Variants in RBPJ observed in about 807,000 individuals in gnomAD.
The protein encoded by RBPJ is recombination signal binding protein for immunoglobulin kappa J region, also known as recombining binding protein suppressor of hairless.
A neutral mutation model predicts 67.8 loss-of-function variants in RBPJ; 9 were observed. The ratio of observed to expected loss-of-function variants is 0.13; its 90% CI spans 0.08 to 0.23. RBPJ has a LOEUF of 0.23. Among genes scored for constraint, RBPJ ranks in the 10% least tolerant of loss-of-function variants. The probability of loss-of-function intolerance (pLI) is 1.00; values close to 1 mark genes in which losing one functional copy is unlikely to be tolerated. For missense variants in RBPJ, 305 were observed against 595.6 expected (o/e 0.51, Z 5.08); for synonymous variants, 198 against 203.3 (o/e 0.97, Z 0.22).
intron 1 of RBPJ, among the ~76,000 whole-genome samples, chr4:26,208,325 G>A (rs572804425): frequency 6.6e-5 from 10 of 152,244 alleles, no homozygotes; most frequent in East Asian, 3.9e-4. Flanking sequence ...GGATTCAAAC[G>A]CAGATCATGC....
At chr4:26,388,178 G>A (rs1327063123) in intron 2 of RBPJ, among the ~76,000 whole-genome samples, 1 of 150,716 alleles carries the variant, frequency 6.6e-6, no homozygotes, top group Non-Finnish European at 1.5e-5. Context: ...TTGTTTTTTT[G>A]TAGAGACAGG....
chr4:26,265,508 C>T (rs1456725344), intron 1 of RBPJ, among the ~76,000 whole-genome samples: 1 of 149,156 alleles, frequency 6.7e-6, no homozygotes, highest in East Asian at 2.0e-4. Flanking sequence ...TAGAGTGAGA[C>T]AGTCTCAAAA....
intron 1 of RBPJ, among the ~76,000 whole-genome samples, chr4:26,252,632 A>C (rs1720152314): frequency 6.6e-6 from 1 of 152,192 alleles, no homozygotes; most frequent in Non-Finnish European, 1.5e-5. Context: ...AAACTGACTT[A>C]AATCAATAAT....
intron 1 of RBPJ, among the ~76,000 whole-genome samples, chr4:26,228,235 G>A (rs1719147128): frequency 6.6e-6 from 1 of 152,214 alleles, no homozygotes; most frequent in South Asian, 2.1e-4. Context: ...AGCAGACCTG[G>A]TTTGGCTACT....
intron 1 of RBPJ, among the ~76,000 whole-genome samples, chr4:26,359,077 G>A (rs563976771): frequency 9.9e-5 from 15 of 152,284 alleles, no homozygotes; most frequent in African/African-American, 3.4e-4. Context: ...TAACACCTTT[G>A]TCAAGGTGCT....
intron 1 of RBPJ, among the ~76,000 whole-genome samples, chr4:26,179,648 C>A (rs1716912215): frequency 6.6e-6 from 1 of 152,026 alleles, no homozygotes; most frequent in African/African-American, 2.4e-5. Flanking sequence ...ATGGCTATTA[C>A]TAAAAAGTCA....
At chr4:26,354,506 G>A (rs1727156469) in intron 1 of RBPJ, among the ~76,000 whole-genome samples, 2 of 147,736 alleles carry the variant, frequency 1.4e-5, no homozygotes, top group South Asian at 4.3e-4. Context: ...AGGCAGTGCA[G>A]TGGTATGATC....
chr4:26,340,884 A>G (rs6843753), intron 1 of RBPJ, among the ~76,000 whole-genome samples: 2,508 of 151,718 alleles, frequency 0.017, 77 homozygotes, highest in African/African-American at 0.057. Flanking sequence ...AAAAAAAAAA[A>G]GAAAGAAAGG....
the RBPJ span, among the ~76,000 whole-genome samples, chr4:26,129,742 G>C: frequency 3.3e-5 from 5 of 152,116 alleles, no homozygotes; most frequent in Admixed American, 3.3e-4. Flanking sequence ...GTTCATTCCT[G>C]GGTGTTCCCT....
chr4:26,137,780 C>G, the RBPJ span, among the ~76,000 whole-genome samples: 1 of 152,320 alleles, frequency 6.6e-6, no homozygotes, highest in East Asian at 1.9e-4. Context: ...TGAACTGCCT[C>G]CCTCCATCTG....
At position 26,217,955 on chromosome 4, in the gene RBPJ, G is replaced by A. The variant is rs183504162; in HGVS notation, c.-167+54341G>A. Among the ~76,000 whole-genome samples the A allele has an allele frequency of 3.8e-3, 583 of 152,272 alleles. 5 individuals carry two copies. The highest frequency in any genetic ancestry group is 0.014 in the African/African-American group (564 of 41,558). On this transcript the variant is annotated intron_variant, in intron 1 of 4. Coordinates refer to the RBPJ transcript ENST00000512351. ...GTGGATAAGAAGCTCTGCGCTCAAA[G>A]GTTTTGGAAAGAGAGAGGAAAAACA...
At chr4:26,219,916 C>G (rs1015066873) in intron 1 of RBPJ, among the ~76,000 whole-genome samples, 4 of 151,474 alleles carry the variant, frequency 2.6e-5, no homozygotes, top group Admixed American at 2.6e-4. Flanking sequence ...GCTGGGACCA[C>G]AGGCACCCAC....
chr4:26,279,665 C>A (rs903074643), intron 1 of RBPJ, among the ~76,000 whole-genome samples: 3 of 151,966 alleles, frequency 2.0e-5, no homozygotes, highest in African/African-American at 7.2e-5. Context: ...TCCAGACAAG[C>A]GGTGACGAAT....
Position 26,226,639 on chromosome 4 carries a change from CCTTT to C in RBPJ, c.-167+63028_-167+63031del, listed in dbSNP as rs1719085834. ...TGGGTTACACGGAATGTAATCTGAT[CCTTT>C]CTAAGATCCAATAGGCATGTAACTC... On this transcript the variant is annotated intron_variant, in intron 1 of 4. Transcript: ENST00000512351. Among the ~76,000 whole-genome samples the C allele has an allele frequency of 1.3e-5, 2 of 152,110 alleles. 1 individual carries two copies. Among genetic ancestry groups the C allele is most frequent in the South Asian group, 4.1e-4 (2 of 4,824 alleles).
intron 4 of RBPJ, among the ~76,000 whole-genome samples, chr4:26,420,303 A>G (rs1212895992): frequency 6.6e-6 from 1 of 152,176 alleles, no homozygotes; most frequent in Non-Finnish European, 1.5e-5. Context: ...CTGTTTTTTT[A>G]AATGGTCTTT....
intron 1 of RBPJ, among the ~76,000 whole-genome samples, chr4:26,244,433 A>G (rs1560226588): frequency 3.8e-5 from 5 of 131,618 alleles, no homozygotes; most frequent in African/African-American, 1.5e-4. Context: ...GTATATATGT[A>G]TACATATGTG....
intron 1 of RBPJ, among the ~76,000 whole-genome samples, chr4:26,353,436 A>G (rs1727013132): frequency 1.3e-5 from 2 of 152,306 alleles, no homozygotes; most frequent in African/African-American, 4.8e-5. Context: ...CCTGCAAGTT[A>G]CTTCACAACT....
intron 1 of RBPJ, among the ~76,000 whole-genome samples, chr4:26,165,360 A>T (rs1716233700): frequency 6.6e-6 from 1 of 152,180 alleles, no homozygotes; most frequent in African/African-American, 2.4e-5. Flanking sequence ...TGTTTTGTTG[A>T]ATGTCACCAA....
intron 1 of RBPJ, among the ~76,000 whole-genome samples, chr4:26,365,344 G>T (rs1056567850): frequency 2.0e-5 from 3 of 152,064 alleles, no homozygotes; most frequent in Admixed American, 6.6e-5. Context: ...AAAGAAGGTG[G>T]CCACTGGAGT....
Sources: gnomAD v4.1 joint callset for allele counts (sites outside exome capture counted in the v4.1 genomes callset) on GRCh38, gnomAD v4.1.1 for gene constraint, MANE v1.5 for transcripts, NCBI Gene and HGNC (gene_info 2026-07-23, HGNC 2026-07-21) for gene names.